MCU: variants seen among roughly 807,000 people sequenced by gnomAD.
The protein encoded by MCU is mitochondrial calcium uniporter.
MCU carries 12 observed loss-of-function variants against 45.2 expected under a neutral mutation model. That is an observed-to-expected ratio of 0.27 (90% CI 0.17 to 0.43). MCU has a LOEUF of 0.43. Ranked by LOEUF, MCU falls within the 20% of genes least tolerant of loss-of-function variation. The pLI, the probability that MCU is intolerant of heterozygous loss-of-function variation, is 1.00. For synonymous variants in MCU, 160 were observed against 165.1 expected (o/e 0.97, Z 0.24); for missense variants, 324 against 436.7 (o/e 0.74, Z 2.30).
chr10:72,733,240 C>T (rs141859799), intron 1 of MCU, among the ~76,000 whole-genome samples: 5,738 of 152,202 alleles, frequency 0.038, 373 homozygotes, highest in African/African-American at 0.13. Context: ...GGGTGGATCA[C>T]GGGGTCAGGA....
intron 1 of MCU, among the ~76,000 whole-genome samples, chr10:72,828,269 G>A (rs1202637499): frequency 2.6e-5 from 4 of 152,170 alleles, no homozygotes; most frequent in Admixed American, 2.0e-4. Context: ...TTAAGGCAGA[G>A]TGAGGCTATT....
chr10:72,812,763 TCAA>T (rs887345939), intron 1 of MCU, among the ~76,000 whole-genome samples: 4 of 99,484 alleles, frequency 4.0e-5, no homozygotes, highest in Non-Finnish European at 8.0e-5. Context: ...TAAGCTTTCT[TCAA>T]ACCATTACTG....
At chr10:72,698,650 A>G (rs913963010) in intron 1 of MCU, among the ~76,000 whole-genome samples, 1 of 152,142 alleles carries the variant, frequency 6.6e-6, no homozygotes, top group Non-Finnish European at 1.5e-5. Context: ...GGCTAAAGGC[A>G]CGCGCCACCA....
chr10:72,852,217 A>G (rs1460476449), intron 2 of MCU, among the ~76,000 whole-genome samples: 1 of 152,238 alleles, frequency 6.6e-6, no homozygotes, highest in Non-Finnish European at 1.5e-5. Flanking sequence ...GAAACAGTAG[A>G]TTAATTGTTA....
At chr10:72,868,458 C>A (rs1845491579) in intron 4 of MCU, among the ~76,000 whole-genome samples, 1 of 151,026 alleles carries the variant, frequency 6.6e-6, no homozygotes, top group Non-Finnish European at 1.5e-5. Context: ...AAGTTAACGT[C>A]GGAGGATTAC....
At chr10:72,857,128 A>G (rs1260044089) in intron 2 of MCU, among the ~76,000 whole-genome samples, 1 of 151,922 alleles carries the variant, frequency 6.6e-6, no homozygotes, top group African/African-American at 2.4e-5. Context: ...TGATTCTTCA[A>G]AGAAGCTAGT....
chr10:72,740,344 A>G (rs1343198669), intron 1 of MCU, among the ~76,000 whole-genome samples: 3 of 149,968 alleles, frequency 2.0e-5, no homozygotes, highest in African/African-American at 7.4e-5. Flanking sequence ...ACACCACTGC[A>G]CTCCAGCCTG....
intron 1 of MCU, among the ~76,000 whole-genome samples, chr10:72,797,681 C>T (rs1033663651): frequency 6.6e-6 from 1 of 150,830 alleles, no homozygotes; most frequent in African/African-American, 2.4e-5. Context: ...ATTACAGGCG[C>T]CCACCACCAC....
At chr10:72,726,281 G>GTA (rs1375671280) in intron 1 of MCU, among the ~76,000 whole-genome samples, 2 of 148,680 alleles carry the variant, frequency 1.3e-5, no homozygotes, top group African/African-American at 2.6e-5. Context: ...GTGTGTGTGT[G>GTA]TGTGTAGTTC....
At chr10:72,846,178 G>A (rs1405303521) in intron 2 of MCU, among the ~76,000 whole-genome samples, 2 of 152,064 alleles carry the variant, frequency 1.3e-5, no homozygotes, top group Non-Finnish European at 2.9e-5. Flanking sequence ...GAGTAGCTGG[G>A]ATTACAGGTG....
intron 1 of MCU, among the ~76,000 whole-genome samples, chr10:72,806,533 G>C (rs1158055077): frequency 1.3e-5 from 2 of 152,164 alleles, no homozygotes; most frequent in African/African-American, 4.8e-5. Context: ...GGTTATTTGA[G>C]GGAATATGTC....
At position 72,795,871 on chromosome 10, in the gene MCU, G is replaced by A. The variant is rs143701236; in HGVS notation, c.151-38488G>A. ...AAATTAGCCGGGTGTGGTGGCGGGC[G>A]CCTGTAATCCCGGGTACTCTGGAGG... On this transcript the variant is annotated intron_variant, in intron 1 of 7. Transcript: ENST00000373053. Among the ~76,000 whole-genome samples, 903 of 151,966 alleles carry A rather than the reference G, an allele frequency of 5.9e-3. 12 individuals are homozygous for A. Among genetic ancestry groups the A allele is most frequent in the African/African-American group, 0.021 (851 of 41,440 alleles).
Position 72,761,809 on chromosome 10 carries a change from A to G in MCU, c.150+69508A>G, listed in dbSNP as rs934725756. 7.2e-5 allele frequency among the ~76,000 whole-genome samples: 11 copies of G among 152,286 alleles called. No individual in the cohort carries two copies. The South Asian group carries it at 2.3e-3, about 32-fold the overall frequency. On this transcript the variant is annotated intron_variant, in intron 1 of 7. Coordinates refer to ENST00000373053, the MANE Select transcript of MCU (RefSeq NM_138357.3). ...TGTACCAATTACCTGAGTAGTGTAC[A>G]TTGTACCCAATATGTAGTTTTTTTA...
intron 1 of MCU, among the ~76,000 whole-genome samples, chr10:72,786,674 A>G (rs1844076229): frequency 6.6e-6 from 1 of 152,192 alleles, no homozygotes; most frequent in South Asian, 2.1e-4. Context: ...TGAACCCAGC[A>G]GGTGGAGGTT....
At chr10:72,767,909 T>G (rs1843750768) in intron 1 of MCU, among the ~76,000 whole-genome samples, 1 of 152,164 alleles carries the variant, frequency 6.6e-6, no homozygotes, top group Admixed American at 6.6e-5. Flanking sequence ...TTACTGGTTG[T>G]TTCATCTTCA....
intron 1 of MCU, among the ~76,000 whole-genome samples, chr10:72,810,258 G>C (rs1379858875): frequency 2.0e-5 from 3 of 152,018 alleles, no homozygotes; most frequent in Non-Finnish European, 4.4e-5. Flanking sequence ...TGTTGGAGAA[G>C]AGAGGAATTG....
chr10:72,697,995 G>C (rs1842711481), intron 1 of MCU, among the ~76,000 whole-genome samples: 2 of 151,638 alleles, frequency 1.3e-5, no homozygotes. Flanking sequence ...GCCCAAGCTG[G>C]TTTCTTAACT....
intron 1 of MCU, among the ~76,000 whole-genome samples, chr10:72,720,125 C>G (rs1843001986): frequency 6.6e-6 from 1 of 152,306 alleles, no homozygotes; most frequent in Admixed American, 6.5e-5. Context: ...AATCCTTCCA[C>G]TATGGCCTGG....
chr10:72,761,976 A>T (rs1017703452), intron 1 of MCU, among the ~76,000 whole-genome samples: 9 of 152,140 alleles, frequency 5.9e-5, no homozygotes, highest in Non-Finnish European at 1.2e-4. Flanking sequence ...TCTTTTAAGA[A>T]CTATTTTATT....
Sources: gnomAD v4.1 joint callset for allele counts (sites outside exome capture counted in the v4.1 genomes callset) on GRCh38, gnomAD v4.1.1 for gene constraint, MANE v1.5 for transcripts, NCBI Gene and HGNC (gene_info 2026-07-23, HGNC 2026-07-21) for gene names.